Variants in TMEM178B observed in about 807,000 individuals in gnomAD.
The protein encoded by TMEM178B is transmembrane protein 178B.
A neutral mutation model predicts 31.0 loss-of-function variants in TMEM178B; 5 were observed. The ratio of observed to expected loss-of-function variants is 0.16; its 90% CI spans 0.08 to 0.34. The LOEUF (loss-of-function observed/expected upper bound fraction) is 0.34. Among genes scored for constraint, TMEM178B ranks in the 10% least tolerant of loss-of-function variants. TMEM178B has a pLI of 1.00. For missense variants in TMEM178B, 275 were observed against 400.3 expected, an observed-to-expected ratio of 0.69 and a Z score of 2.67; for synonymous variants, 164 against 164.0, an observed-to-expected ratio of 1.00 and a Z score of 0.00.
In TMEM178B at chr7:141,437,644, C is replaced by T. The variant is rs1003018180; in HGVS notation, c.533C>T (p.Ala178Val). The T allele has an allele frequency of 3.9e-6, 6 of 1,536,044 alleles. No individual in the cohort carries two copies. The highest frequency in any genetic ancestry group is 2.7e-5 in the African/African-American group (2 of 73,054). Residue 178 changes from alanine (A) to valine (V), a missense_variant, in exon 3 of 4, where the codon GCG (alanine) becomes GTG (valine). Transcript: ENST00000565468. ...RRMTAGFMGMAVAIILFGWII... is the reference protein window; with the variant it reads ...RRMTAGFMGMVVAIILFGWII... ...ATGACGGCTGGCTTCATGGGCATGG[C>T]GGTGGCCATCATCCTCTTTGGCTGG...
Position 141,358,641 on chromosome 7 carries a change from A to C in TMEM178B, c.497-78967A>C, listed in dbSNP as rs539037697. On this transcript the variant is annotated intron_variant, in intron 2 of 3. Transcript: ENST00000565468. ...TGAGCTCTTTCATAAAAGTTTCCCAACTTTTCTTAATGACTAACATTTTGT... is the reference window on the plus strand; with the variant it reads ...TGAGCTCTTTCATAAAAGTTTCCCACCTTTTCTTAATGACTAACATTTTGT... Among the ~76,000 whole-genome samples the C allele has an allele frequency of 4.2e-4, 63 of 151,666 alleles. 1 individual carries two copies. The highest frequency in any genetic ancestry group is 9.0e-4 in the Non-Finnish European group (61 of 67,928).
chr7:141,437,623 C>T lies in TMEM178B; in HGVS notation c.512C>T (p.Thr171Met), dbSNP rs924395473. The T allele has an allele frequency of 6.5e-6, 10 of 1,536,146 alleles. No individual in the cohort carries two copies. Among genetic ancestry groups the T allele is most frequent in the East Asian group, 2.4e-5 (1 of 40,906 alleles). Reference sequence around the variant, plus strand: ...TTCCCCACAGACCTGCGCAGAATGACGGCTGGCTTCATGGGCATGGCGGTG... The same window carrying T: ...TTCCCCACAGACCTGCGCAGAATGATGGCTGGCTTCATGGGCATGGCGGTG... ...EWHALHLRRM[T>M]AGFMGMAVAI... Residue 171 changes from threonine (T) to methionine (M), a missense_variant, in exon 3 of 4, where the codon ACG becomes ATG. Thr to Met is a moderately conservative substitution (Grantham distance 81). Transcript: ENST00000565468.
intron 1 of TMEM178B, among the ~76,000 whole-genome samples, chr7:141,157,423 G>A (rs544345811): frequency 4.9e-4 from 73 of 149,976 alleles, no homozygotes; most frequent in Middle Eastern, 6.8e-3. Flanking sequence ...ACTCCTGCGC[G>A]CGTGCACACA....
At position 141,457,317 on chromosome 7, in the gene TMEM178B, A is replaced by C. The variant is rs144907485; in HGVS notation, c.635-13219A>C. The stretch of plus-strand genomic sequence containing the variant: ...AGCTTGGGATGACTATGTCAATTAC[A>C]TAATTTATTTGCTGTATATATCCTA... On this transcript the variant is annotated intron_variant, in intron 3 of 3. Coordinates refer to ENST00000565468, the MANE Select transcript of TMEM178B (RefSeq NM_001195278.2). 3.2e-3 allele frequency among the ~76,000 whole-genome samples: 491 copies of C among 152,346 alleles called. 7 individuals carry two copies. Among genetic ancestry groups the C allele is most frequent in the African/African-American group, 0.011 (469 of 41,580 alleles).
chr7:141,102,797 G>A (rs1795080427), intron 1 of TMEM178B, among the ~76,000 whole-genome samples: 2 of 152,220 alleles, frequency 1.3e-5, no homozygotes, highest in Non-Finnish European at 2.9e-5. Context: ...TGTTTTTGAA[G>A]CTTAGGAGCA....
chr7:141,202,215 C>G (rs986909413), intron 1 of TMEM178B, among the ~76,000 whole-genome samples: 2 of 152,166 alleles, frequency 1.3e-5, no homozygotes, highest in African/African-American at 4.8e-5. Context: ...TTTTGACCAT[C>G]AGGACCACAA....
At chr7:141,210,047 A>G in intron 1 of TMEM178B, among the ~76,000 whole-genome samples, 1 of 152,164 alleles carries the variant, frequency 6.6e-6, no homozygotes, top group Non-Finnish European at 1.5e-5. Flanking sequence ...AATACACTCC[A>G]CATGGGAGGG....
intron 2 of TMEM178B, among the ~76,000 whole-genome samples, chr7:141,346,820 A>T (rs914503558): frequency 6.6e-6 from 1 of 152,178 alleles, no homozygotes; most frequent in Non-Finnish European, 1.5e-5. Flanking sequence ...TAACAAAGTA[A>T]ATTACTCATT....
chr7:141,076,085 C>A (rs1194196373), intron 1 of TMEM178B, among the ~76,000 whole-genome samples: 1 of 152,078 alleles, frequency 6.6e-6, no homozygotes. Context: ...GTTAATACAA[C>A]CAATATCCCA....
chr7:141,242,490 G>A (rs1050517481), intron 2 of TMEM178B, among the ~76,000 whole-genome samples: 1 of 150,474 alleles, frequency 6.6e-6, no homozygotes, highest in Non-Finnish European at 1.5e-5. Flanking sequence ...GTGTGTGTGT[G>A]TGTGTGTGTG....
intron 1 of TMEM178B, among the ~76,000 whole-genome samples, chr7:141,079,274 G>A (rs1036392800): frequency 1.3e-5 from 2 of 152,128 alleles, no homozygotes; most frequent in Non-Finnish European, 2.9e-5. Context: ...GTGACAGAGC[G>A]AGACTCTGTC....
At chr7:141,278,813 T>C (rs1798309198) in intron 2 of TMEM178B, among the ~76,000 whole-genome samples, 2 of 152,062 alleles carry the variant, frequency 1.3e-5, no homozygotes, top group Non-Finnish European at 2.9e-5. Flanking sequence ...AAGAGAGGAC[T>C]GAAGGGTGAA....
At chr7:141,445,792 C>T (rs1801743479) in intron 3 of TMEM178B, among the ~76,000 whole-genome samples, 1 of 152,172 alleles carries the variant, frequency 6.6e-6, no homozygotes, top group Non-Finnish European at 1.5e-5. Context: ...CATGGTGAAT[C>T]AAGGGCAACT....
intron 1 of TMEM178B, among the ~76,000 whole-genome samples, chr7:141,132,911 C>A (rs1440390935): frequency 1.3e-5 from 2 of 152,168 alleles, no homozygotes; most frequent in East Asian, 3.8e-4. Flanking sequence ...TCCCACAGAG[C>A]CTTGCCGTAA....
At chr7:141,183,019 A>G (rs1391314648) in intron 1 of TMEM178B, among the ~76,000 whole-genome samples, 1 of 152,256 alleles carries the variant, frequency 6.6e-6, no homozygotes, top group East Asian at 1.9e-4. Flanking sequence ...TAAGTATGTC[A>G]AAGTCCTGAA....
chr7:141,458,838 G>A (rs1802011275), intron 3 of TMEM178B, among the ~76,000 whole-genome samples: 1 of 152,158 alleles, frequency 6.6e-6, no homozygotes, highest in African/African-American at 2.4e-5. Flanking sequence ...GAAACACAAG[G>A]TGTGTACGTG....
chr7:141,368,970 A>T (rs947044345), intron 2 of TMEM178B, among the ~76,000 whole-genome samples: 4 of 152,164 alleles, frequency 2.6e-5, no homozygotes, highest in Non-Finnish European at 5.9e-5. Context: ...AAAGACTGAC[A>T]TGTGGGCCGT....
At chr7:141,258,252 G>A (rs1797960046) in intron 2 of TMEM178B, among the ~76,000 whole-genome samples, 1 of 150,898 alleles carries the variant, frequency 6.6e-6, no homozygotes, top group East Asian at 1.9e-4. Context: ...TTATATTGTT[G>A]TTTAACATTG....
rs1402064282 is a variant in TMEM178B at position 141,422,120 on chromosome 7, C to T, written c.497-15488C>T. ...GATCTGTTCAGCTTCTTTATTTTTA[C>T]GATTCTACCTGCTCCCTGTTAACCC... is the stretch of plus-strand genomic sequence containing the variant. On this transcript the variant is annotated intron_variant, in intron 2 of 3. Transcript: ENST00000565468. This position sits in a 1 kb window ranked among gnomAD's most constrained non-coding sequence, Gnocchi z 4.2. Among the ~76,000 whole-genome samples, 4 of 152,162 alleles carry T rather than the reference C, an allele frequency of 2.6e-5. No homozygotes were observed. Among genetic ancestry groups the T allele is most frequent in the Admixed American group, 1.3e-4 (2 of 15,278 alleles).
Sources: gnomAD v4.1 joint callset for allele counts (sites outside exome capture counted in the v4.1 genomes callset) on GRCh38, gnomAD v4.1.1 for gene constraint, Gnocchi (gnomAD v3.1) non-coding constraint, MANE v1.5 for transcripts, NCBI Gene and HGNC (gene_info 2026-07-23, HGNC 2026-07-21) for gene names.